CBX7: variants seen among roughly 807,000 people sequenced by gnomAD.
CBX7 encodes chromobox protein homolog 7.
Under a neutral mutation model 31.4 loss-of-function variants are expected in CBX7, and 14 were observed. That is an observed-to-expected ratio of 0.45 (90% CI 0.29 to 0.70). The LOEUF is 0.70. CBX7 is among the 30% of genes least tolerant of loss of function. The probability of loss-of-function intolerance (pLI) is 0.11; values close to 1 mark genes in which losing one functional copy is unlikely to be tolerated. For synonymous variants in CBX7, 159 were observed against 152.6 expected, an observed-to-expected ratio of 1.04 and a Z score of -0.31; for missense variants, 269 against 351.9, an observed-to-expected ratio of 0.76 and a Z score of 1.89.
At chr22:39,149,741 A>C (rs746894182) in intron 2 of CBX7, 48 bp downstream of exon 2, 135 of 1,579,642 alleles carry the variant, frequency 8.5e-5, no homozygotes, top group Non-Finnish European at 1.1e-4. Context: ...GGAGGAATGC[A>C]TGGGTCGGTA....
chr22:39,133,894 G>T lies in CBX7; in HGVS notation c.753C>A (p.Phe251Leu), dbSNP rs933377130. The change falls in exon 6 of 6, where the codon TTC (phenylalanine) becomes TTA (leucine). Residue 251 changes from phenylalanine to leucine, a missense_variant. Phe to Leu is a conservative substitution (Grantham distance 22). This residue lies in a region of CBX7 where 222 missense variants were observed against 240.4 expected (regional missense o/e 0.92). Transcript: ENST00000216133. ...TAAGAAGAGTAAAAACGGTGATTCA[G>T]AACTTCCCACTGCGGTCTCGGAAGA... is the stretch of plus-strand genomic sequence containing the variant. ...EGFFRDRSGK[F>L] 1 of 1,607,326 alleles carries T rather than the reference G, an allele frequency of 6.2e-7. No individual in the cohort carries two copies. The highest frequency in any genetic ancestry group is 2.2e-5 in the East Asian group (1 of 44,522).
intron 4 of CBX7, among the ~76,000 whole-genome samples, chr22:39,137,748 C>A (rs1055777476): frequency 6.6e-6 from 1 of 152,138 alleles, no homozygotes; most frequent in Non-Finnish European, 1.5e-5. Flanking sequence ...GAAAGGCCCC[C>A]AAGACCTACG....
Position 39,133,736 on chromosome 22 carries a change from G to T in CBX7, c.*155C>A. On this transcript the variant is annotated 3_prime_UTR_variant, in exon 6 of 6. Coordinates refer to ENST00000216133, the MANE Select transcript of CBX7 (RefSeq NM_175709.5). Reference sequence around the variant, plus strand: ...TCGTGGTAAACGTCCCTCAGAGAAAGGGCAGGTGGTGGGAGAGTAGTGGGA... The same window carrying T: ...TCGTGGTAAACGTCCCTCAGAGAAATGGCAGGTGGTGGGAGAGTAGTGGGA... 1.4e-6 allele frequency: 1 copy of T among 699,994 alleles called. No individual in the cohort carries two copies. 43.4% of individuals were successfully genotyped at this position (699,994 alleles called of 1,614,324 possible).
At chr22:39,135,028 CAAG>C (rs1189691813) in intron 4 of CBX7, 3 of 411,154 alleles carry the variant, frequency 7.3e-6, no homozygotes, top group Non-Finnish European at 1.3e-5. Context: ...GAGAAGCATA[CAAG>C]AAGGACAAAC....
At chr22:39,136,350 C>T (rs929725837) in intron 4 of CBX7, 8 of 152,418 alleles carry the variant, frequency 5.2e-5, no homozygotes, top group East Asian at 1.9e-4. Context: ...ACCTATGCGC[C>T]GTCCATTCCC....
chr22:39,144,140 C>T (rs1048940892), intron 2 of CBX7, among the ~76,000 whole-genome samples: 4 of 152,152 alleles, frequency 2.6e-5, no homozygotes, highest in African/African-American at 9.7e-5. Context: ...AACGCTAGTT[C>T]AGTCCCAAAA....
At chr22:39,145,526 C>T (rs1482507283) in intron 2 of CBX7, among the ~76,000 whole-genome samples, 2 of 152,112 alleles carry the variant, frequency 1.3e-5, no homozygotes, top group Admixed American at 1.3e-4. Flanking sequence ...TCTGGGGACA[C>T]GCTCGTTGCC....
intron 2 of CBX7, among the ~76,000 whole-genome samples, chr22:39,143,001 G>A (rs925926292): frequency 2.6e-5 from 4 of 152,296 alleles, no homozygotes; most frequent in Non-Finnish European, 4.4e-5. Context: ...AGTGGCTCAC[G>A]CCTGTAATTC....
rs1930100899 is a variant in CBX7 at position 39,133,003 on chromosome 22, T to G, written c.*888A>C. On this transcript the variant is annotated 3_prime_UTR_variant, in exon 6 of 6. Coordinates refer to ENST00000216133, the MANE Select transcript of CBX7 (RefSeq NM_175709.5). ...CTGGAGCATGGGGTGCCATCGCACC[T>G]GTGCCAGACCCCTGCCCTCCACTGA... The G allele has an allele frequency of 6.6e-6, 1 of 152,296 alleles. No homozygotes were observed. Among genetic ancestry groups the G allele is most frequent in the African/African-American group, 2.4e-5 (1 of 41,428 alleles). The allele number at this position is 152,296 out of a possible 1,614,324, so 9.4% of individuals were successfully genotyped here.
intron 3 of CBX7, chr22:39,141,116 T>A (rs562936643): frequency 1.3e-5 from 6 of 466,116 alleles, no homozygotes; most frequent in South Asian, 1.1e-4. Flanking sequence ...GGTGGCCCAT[T>A]TGACAGCAGA....
At chr22:39,145,853 G>A (rs2146367645) in intron 2 of CBX7, among the ~76,000 whole-genome samples, 1 of 151,988 alleles carries the variant, frequency 6.6e-6, no homozygotes, top group South Asian at 2.1e-4. Flanking sequence ...CGCCGCGCAG[G>A]GCTCGCCCTG....
intron 3 of CBX7, among the ~76,000 whole-genome samples, chr22:39,139,709 A>C: frequency 7.1e-6 from 1 of 140,850 alleles, no homozygotes; most frequent in East Asian, 2.1e-4. Context: ...TCTCAAAAAA[A>C]AAAAAAAAAA....
chr22:39,149,852 G>C lies in CBX7; in HGVS notation c.70-20C>G, dbSNP rs1930790166. 1 of 1,611,728 alleles carries C rather than the reference G, an allele frequency of 6.2e-7. No homozygotes were observed. The highest frequency in any genetic ancestry group is 8.5e-7 in the Non-Finnish European group (1 of 1,177,896). ...TTTACCCTGAGAAGAGAGAGAAGCAGACACAGTGAGTCTCGTGGTTGCCCC... is the reference window on the plus strand; with the variant it reads ...TTTACCCTGAGAAGAGAGAGAAGCACACACAGTGAGTCTCGTGGTTGCCCC... On this transcript the variant is annotated intron_variant, in intron 1 of 5. Transcript: ENST00000216133.
At chr22:39,143,132 TA>T (rs1930518557) in intron 2 of CBX7, among the ~76,000 whole-genome samples, 1 of 152,032 alleles carries the variant, frequency 6.6e-6, no homozygotes, top group Non-Finnish European at 1.5e-5. Flanking sequence ...CGGGCGCCTG[TA>T]ATCCCAGCTA....
At chr22:39,139,730 G>GAA (rs1930387296) in intron 3 of CBX7, among the ~76,000 whole-genome samples, 1 of 108,368 alleles carries the variant, frequency 9.2e-6, no homozygotes, top group African/African-American at 3.7e-5. Context: ...AAGAAAGAAA[G>GAA]AAAAAGAAAA....
At chr22:39,137,982 C>T (rs1257213519) in intron 4 of CBX7, among the ~76,000 whole-genome samples, 4 of 152,008 alleles carry the variant, frequency 2.6e-5, no homozygotes, top group African/African-American at 9.7e-5. Context: ...GAGATCGAGA[C>T]CATCCTGGCC....
Position 39,138,689 on chromosome 22 carries a change from G to C in CBX7, c.193C>G (p.Arg65Gly). ...CCTCTCTTCCTATACCCCGATGCTC[G>C]GTCTCTCTCCTCCCTGGGGTGTGAA... is the stretch of plus-strand genomic sequence containing the variant. ...MAYEEKEERD[R>G]ASGYRKRGPK... The change falls in exon 4 of 6, where the codon CGA becomes GGA. Residue 65 changes from arginine to glycine, a missense_variant. Arg to Gly is a moderately radical substitution (Grantham distance 125). Coordinates refer to ENST00000216133, the MANE Select transcript of CBX7 (RefSeq NM_175709.5). 5.0e-6 allele frequency: 8 copies of C among 1,614,132 alleles called. No homozygotes were observed. Among genetic ancestry groups the C allele is most frequent in the Non-Finnish European group, 3.4e-6 (4 of 1,180,008 alleles).
intron 1 of CBX7, among the ~76,000 whole-genome samples, chr22:39,151,883 T>G (rs965800020): frequency 2.5e-3 from 338 of 133,214 alleles, no homozygotes; most frequent in African/African-American, 4.0e-3. Flanking sequence ...TGTGCTCGGG[T>G]GGCGTAGAGG....
At chr22:39,134,161 G>A in intron 5 of CBX7, 113 bp from the exon 6 acceptor site, 1 of 1,179,564 alleles carries the variant, frequency 8.5e-7, no homozygotes, top group Admixed American at 2.5e-5. Flanking sequence ...AGTCAGCTCA[G>A]GGCCTCACAC....
Sources: allele counts gnomAD v4.1 joint callset (sites outside exome capture counted in the v4.1 genomes callset), GRCh38; gene constraint gnomAD v4.1.1; regional missense constraint gnomAD v4.1.1; transcripts MANE v1.5; gene names NCBI Gene and HGNC (gene_info 2026-07-23, HGNC 2026-07-21).